POU2F1: variants seen among roughly 807,000 people sequenced by gnomAD.
POU2F1 encodes POU domain, class 2, transcription factor 1.
A neutral mutation model predicts 84.9 loss-of-function variants in POU2F1; 16 were observed. The observed-to-expected ratio is 0.19, with a 90% CI of 0.13 to 0.29. POU2F1 has a LOEUF of 0.29. Among genes scored for constraint, POU2F1 ranks in the 10% least tolerant of loss-of-function variants. The probability of loss-of-function intolerance (pLI) is 1.00; values close to 1 mark genes in which losing one functional copy is unlikely to be tolerated. For synonymous variants in POU2F1, 368 were observed against 368.3 expected (o/e 1.00, Z 0.01); for missense variants, 738 against 942.6 (o/e 0.78, Z 2.84).
intron 1 of POU2F1, among the ~76,000 whole-genome samples, chr1:167,283,281 A>G (rs893523428): frequency 1.5e-4 from 23 of 152,140 alleles, no homozygotes; most frequent in Admixed American, 1.1e-3. Context: ...TGTAAAATGT[A>G]AAAAGCCATT....
At chr1:167,395,873 T>C (rs1648773093) in intron 9 of POU2F1, among the ~76,000 whole-genome samples, 1 of 152,214 alleles carries the variant, frequency 6.6e-6, no homozygotes. Flanking sequence ...CCCAAAATGC[T>C]GGGATTAAAG....
chr1:167,406,299 A>C (rs1027107135), intron 13 of POU2F1, among the ~76,000 whole-genome samples: 4 of 152,246 alleles, frequency 2.6e-5, no homozygotes, highest in Non-Finnish European at 4.4e-5. Flanking sequence ...ATCTCAGTGG[A>C]TACAGAAAAG....
chr1:167,300,266 A>C (rs1357184835), intron 1 of POU2F1, among the ~76,000 whole-genome samples: 1 of 152,172 alleles, frequency 6.6e-6, no homozygotes, highest in African/African-American at 2.4e-5. Context: ...GGGGACTCCA[A>C]AACGGTCAGG....
chr1:167,291,740 A>T (rs112261136), intron 1 of POU2F1, among the ~76,000 whole-genome samples: 12 of 152,176 alleles, frequency 7.9e-5, no homozygotes, highest in African/African-American at 2.9e-4. Flanking sequence ...CTTTTACAGT[A>T]TGTCAGCATA....
At chr1:167,371,152 G>A (rs919847308) in intron 4 of POU2F1, among the ~76,000 whole-genome samples, 1 of 152,180 alleles carries the variant, frequency 6.6e-6, no homozygotes, top group African/African-American at 2.4e-5. Context: ...GCGGAAAATT[G>A]CCTTGGTTGC....
chr1:167,380,248 T>G (rs942823616), intron 7 of POU2F1: 1 of 152,216 alleles, frequency 6.6e-6, no homozygotes, highest in Non-Finnish European at 1.5e-5. Flanking sequence ...GATATTAGGA[T>G]ACTTTCAGTG....
intron 2 of POU2F1, among the ~76,000 whole-genome samples, chr1:167,358,715 G>A (rs1271002741): frequency 2.4e-5 from 1 of 41,584 alleles, no homozygotes; most frequent in Non-Finnish European, 5.0e-5. Context: ...ATTATCTGCA[G>A]CTTTTTTTTT....
intron 1 of POU2F1, among the ~76,000 whole-genome samples, chr1:167,252,285 T>C (rs1212604141): frequency 6.6e-6 from 1 of 152,172 alleles, no homozygotes; most frequent in Non-Finnish European, 1.5e-5. Flanking sequence ...TTAAGACGCT[T>C]TTACAAATGA....
At chr1:167,304,881 T>C (rs1046794306) in intron 1 of POU2F1, among the ~76,000 whole-genome samples, 35 of 152,202 alleles carry the variant, frequency 2.3e-4, no homozygotes, top group Admixed American at 9.8e-4. Flanking sequence ...CAAAATTAGC[T>C]GACACCTTTA....
chr1:167,399,156 C>G (rs973885347), intron 11 of POU2F1, 30 bp from the exon 12 acceptor site: 3 of 1,573,162 alleles, frequency 1.9e-6, no homozygotes, highest in Non-Finnish European at 2.6e-6. Context: ...CAAAGGATAG[C>G]TTTTGGAATT....
chr1:167,260,777 T>A (rs976805604), intron 1 of POU2F1, among the ~76,000 whole-genome samples: 9 of 152,192 alleles, frequency 5.9e-5, no homozygotes, highest in African/African-American at 2.2e-4. Flanking sequence ...GCCTGAGTAG[T>A]CTTGACTGAA....
rs943190485 is a variant in POU2F1, at chr1:167,424,621, C to A, written c.*8811C>A. 3 of 152,254 alleles carry A rather than the reference C, an allele frequency of 2.0e-5. No individual in the cohort carries two copies. Among genetic ancestry groups the A allele is most frequent in the Non-Finnish European group, 4.4e-5 (3 of 68,062 alleles). The allele number at this position is 152,254 out of a possible 1,614,324, so 9.4% of individuals were successfully genotyped here. A position where few individuals can be genotyped will look rare whatever the true frequency, so the allele number is the denominator to read the frequency against. On this transcript the variant is annotated 3_prime_UTR_variant, in exon 16 of 16. Coordinates refer to ENST00000367866, the MANE Select transcript of POU2F1 (RefSeq NM_002697.4). ...CTCCTCAGTCATGTTAAACTCTGGC[C>A]TATAGCATCATGGGACCTGTAGCCT...
intron 2 of POU2F1, among the ~76,000 whole-genome samples, chr1:167,347,628 G>T (rs1445875639): frequency 2.0e-5 from 3 of 152,056 alleles, no homozygotes; most frequent in Non-Finnish European, 4.4e-5. Flanking sequence ...ATCTATCCAG[G>T]TCCAAAACAT....
At chr1:167,344,185 A>G (rs996018905) in intron 2 of POU2F1, among the ~76,000 whole-genome samples, 18 of 152,348 alleles carry the variant, frequency 1.2e-4, no homozygotes, top group Middle Eastern at 3.4e-3. Context: ...GCCAGTACAT[A>G]TAATAGAACA....
At chr1:167,283,213 T>C (rs1246115324) in intron 1 of POU2F1, among the ~76,000 whole-genome samples, 2 of 152,202 alleles carry the variant, frequency 1.3e-5, no homozygotes, top group African/African-American at 4.8e-5. Flanking sequence ...CATTAAATCA[T>C]TGATACTTGG....
At chr1:167,278,308 T>C (rs1652880711) in intron 1 of POU2F1, among the ~76,000 whole-genome samples, 1 of 152,262 alleles carries the variant, frequency 6.6e-6, no homozygotes, top group East Asian at 1.9e-4. Context: ...TCTGTTCTTT[T>C]GCTTATAGCA....
intron 2 of POU2F1, among the ~76,000 whole-genome samples, chr1:167,338,752 C>CT (rs1657644419): frequency 1.3e-5 from 2 of 152,118 alleles, no homozygotes; most frequent in Admixed American, 1.3e-4. Context: ...TGTATCAGAA[C>CT]TTTATTTTTT....
chr1:167,269,533 AAG>A (rs1482255471), intron 1 of POU2F1, among the ~76,000 whole-genome samples: 1 of 152,218 alleles, frequency 6.6e-6, no homozygotes, highest in Non-Finnish European at 1.5e-5. Context: ...GAGAGATGGA[AAG>A]AGAGTGACAA....
intron 1 of POU2F1, among the ~76,000 whole-genome samples, chr1:167,234,921 G>C (rs1649340424): frequency 6.6e-6 from 1 of 152,106 alleles, no homozygotes; most frequent in South Asian, 2.1e-4. Context: ...AATGAGTTGT[G>C]ACTTAAAATT....
Sources: allele counts gnomAD v4.1 joint callset (sites outside exome capture counted in the v4.1 genomes callset), GRCh38; gene constraint gnomAD v4.1.1; transcripts MANE v1.5; gene names NCBI Gene and HGNC (gene_info 2026-07-23, HGNC 2026-07-21).